CSMD1: variants seen among roughly 807,000 people sequenced by gnomAD.
The protein encoded by CSMD1 is CUB and Sushi multiple domains 1, also known as CUB and sushi domain-containing protein 1.
CSMD1 carries 213 observed loss-of-function variants against 417.5 expected under a neutral mutation model. That is an observed-to-expected ratio of 0.51 (90% confidence interval 0.46 to 0.57). CSMD1 has a LOEUF of 0.57. Among genes scored for constraint, CSMD1 ranks in the 20% least tolerant of loss-of-function variants. The pLI is 0.00. For synonymous variants in CSMD1, 2,862 were observed against 1,736.8 expected, an observed-to-expected ratio of 1.65 and a Z score of -16.11; for missense variants, 6,923 against 4,529.7, an observed-to-expected ratio of 1.53 and a Z score of -15.17.
rs367661052 is a variant in CSMD1, at chr8:4,376,593, T to C, written c.415+43360A>G. ...TGTTGTTGTTACAACATTGAGTTAG[T>C]CTGACAATTTTTAGGGGGGAATTAA... On this transcript the variant is annotated intron_variant, in intron 3 of 69. Coordinates refer to ENST00000635120, the MANE Select transcript of CSMD1 (RefSeq NM_033225.6). Among the ~76,000 whole-genome samples, 42 of 151,504 alleles carry C rather than the reference T, an allele frequency of 2.8e-4. No individual in the cohort carries two copies. The East Asian group carries it at 7.3e-3, about 26-fold the overall frequency.
chr8:3,360,640 C>T (rs544635876), intron 20 of CSMD1, among the ~76,000 whole-genome samples: 1 of 152,258 alleles, frequency 6.6e-6, no homozygotes, highest in South Asian at 2.1e-4. Flanking sequence ...TGCATTATTG[C>T]AAAGAATTGG....
At chr8:4,965,850 A>G (rs1809822571) in intron 1 of CSMD1, among the ~76,000 whole-genome samples, 2 of 152,176 alleles carry the variant, frequency 1.3e-5, no homozygotes, top group South Asian at 4.1e-4. Context: ...TGATTGGAGG[A>G]TAAACATGTT....
chr8:4,107,316 T>G (rs185718349), intron 3 of CSMD1, among the ~76,000 whole-genome samples: 11 of 152,264 alleles, frequency 7.2e-5, no homozygotes, highest in Admixed American at 4.6e-4. Flanking sequence ...CTTCCTGAAA[T>G]AGAGAGGATT....
rs556823072 is a variant in CSMD1 at position 4,138,341 on chromosome 8, G to A, written c.416-106242C>T. ...TTGAGATTTACACATTTGAGTTGTGGCAAAGCTGGGGCAAGGAGTCAGTGT... is the reference window on the plus strand; with the variant it reads ...TTGAGATTTACACATTTGAGTTGTGACAAAGCTGGGGCAAGGAGTCAGTGT... On this transcript the variant is annotated intron_variant, in intron 3 of 69. Transcript: ENST00000635120. 2.0e-5 allele frequency among the ~76,000 whole-genome samples: 3 copies of A among 151,248 alleles called. 1 individual carries two copies. Among genetic ancestry groups the A allele is most frequent in the Non-Finnish European group, 4.4e-5 (3 of 67,974 alleles).
chr8:3,924,650 C>G (rs185685471), intron 5 of CSMD1, among the ~76,000 whole-genome samples: 1 of 152,220 alleles, frequency 6.6e-6, no homozygotes, highest in East Asian at 1.9e-4. Flanking sequence ...GCTGTTTAAA[C>G]ACTTCTTTAA....
intron 18 of CSMD1, among the ~76,000 whole-genome samples, chr8:3,385,709 A>G (rs1220789185): frequency 6.6e-6 from 1 of 152,158 alleles, no homozygotes; most frequent in African/African-American, 2.4e-5. Context: ...TTATGTTTAA[A>G]TATTTATTTT....
At chr8:3,798,747 T>C (rs1800300389) in intron 5 of CSMD1, among the ~76,000 whole-genome samples, 1 of 152,046 alleles carries the variant, frequency 6.6e-6, no homozygotes, top group Non-Finnish European at 1.5e-5. Context: ...TCACTATAGA[T>C]CAGTATTTAG....
chr8:3,697,723 G>C (rs1563283782), intron 7 of CSMD1, among the ~76,000 whole-genome samples: 1 of 152,078 alleles, frequency 6.6e-6, no homozygotes, highest in Non-Finnish European at 1.5e-5. Context: ...AAGTAATTTA[G>C]TTATTTTCTT....
intron 18 of CSMD1, among the ~76,000 whole-genome samples, chr8:3,378,321 C>G (rs567730500): frequency 6.6e-6 from 1 of 152,112 alleles, no homozygotes; most frequent in African/African-American, 2.4e-5. Context: ...CCCAGAAGTA[C>G]AAAGAGGAGC....
intron 3 of CSMD1, among the ~76,000 whole-genome samples, chr8:4,412,013 T>TG (rs1796677309): frequency 6.6e-6 from 1 of 151,186 alleles, no homozygotes; most frequent in Admixed American, 6.6e-5. Flanking sequence ...TGTGTGTGTG[T>TG]GTGTAGCCAG....
intron 25 of CSMD1, among the ~76,000 whole-genome samples, chr8:3,292,284 T>A (rs1437175620): frequency 6.6e-6 from 1 of 152,226 alleles, no homozygotes; most frequent in Non-Finnish European, 1.5e-5. Context: ...GGTGTGGTGC[T>A]GAAAAGAATG....
chr8:4,133,570 G>C (rs530544307), intron 3 of CSMD1, among the ~76,000 whole-genome samples: 2 of 152,086 alleles, frequency 1.3e-5, no homozygotes, highest in Non-Finnish European at 2.9e-5. Flanking sequence ...GGAAAGCCGT[G>C]CATTAACGCC....
chr8:3,904,222 C>A lies in CSMD1; in HGVS notation c.818+93681G>T, dbSNP rs115225772. ...TCATTCTGAAGTAACTTATGGATAT[C>A]AGGAGCTGAGTTAGGGTAGAGACGA... is the stretch of plus-strand genomic sequence containing the variant. On this transcript the variant is annotated intron_variant, in intron 5 of 69. Transcript: ENST00000635120. 9.7e-4 allele frequency among the ~76,000 whole-genome samples: 148 copies of A among 152,246 alleles called. 1 individual carries two copies. Among genetic ancestry groups the A allele is most frequent in the African/African-American group, 3.1e-3 (128 of 41,532 alleles).
intron 3 of CSMD1, among the ~76,000 whole-genome samples, chr8:4,295,132 G>C (rs997855286): frequency 4.9e-5 from 7 of 143,784 alleles, no homozygotes; most frequent in African/African-American, 7.6e-5. Flanking sequence ...ATAATCTTAA[G>C]ATTATATAAT....
chr8:3,653,886 CA>C lies in CSMD1; in HGVS notation c.1010-37090del, dbSNP rs147316124. Among the ~76,000 whole-genome samples the C allele has an allele frequency of 1.1e-3, 163 of 152,266 alleles. 1 individual carries two copies. Among genetic ancestry groups the C allele is most frequent in the Non-Finnish European group, 2.1e-3 (143 of 68,038 alleles). On this transcript the variant is annotated intron_variant, in intron 7 of 69. Coordinates refer to ENST00000635120, the MANE Select transcript of CSMD1 (RefSeq NM_033225.6). The stretch of plus-strand genomic sequence containing the variant: ...CCAGAAATGACTGTCTTAATCCTGA[CA>C]GCATCAGTATTAAAAATCAGCACTT...
intron 2 of CSMD1, among the ~76,000 whole-genome samples, chr8:4,596,933 T>C (rs1800312945): frequency 6.6e-6 from 1 of 152,184 alleles, no homozygotes; most frequent in African/African-American, 2.4e-5. Flanking sequence ...GGGTTTCCGC[T>C]TTTGTTTCTT....
At chr8:4,364,164 A>G (rs572251012) in intron 3 of CSMD1, among the ~76,000 whole-genome samples, 1 of 152,200 alleles carries the variant, frequency 6.6e-6, no homozygotes, top group Non-Finnish European at 1.5e-5. Flanking sequence ...CTTCATAAAT[A>G]TATATACCTA....
At chr8:3,353,894 G>C (rs1260579065) in intron 21 of CSMD1, among the ~76,000 whole-genome samples, 1 of 152,078 alleles carries the variant, frequency 6.6e-6, no homozygotes, top group African/African-American at 2.4e-5. Flanking sequence ...CAGAAGAAAG[G>C]AGTTAATTGA....
At chr8:4,557,050 T>C (rs1711698904) in intron 2 of CSMD1, among the ~76,000 whole-genome samples, 1 of 152,232 alleles carries the variant, frequency 6.6e-6, no homozygotes, top group Admixed American at 6.5e-5. Context: ...AAAGGATTTT[T>C]TAACAATCAC....
Sources: allele counts gnomAD v4.1 joint callset (sites outside exome capture counted in the v4.1 genomes callset), GRCh38; gene constraint gnomAD v4.1.1; transcripts MANE v1.5; gene names NCBI Gene and HGNC (gene_info 2026-07-23, HGNC 2026-07-21).